ERGIC2: variants seen among roughly 807,000 people sequenced by gnomAD.
The protein encoded by ERGIC2 is endoplasmic reticulum-Golgi intermediate compartment protein 2.
A neutral mutation model predicts 52.5 loss-of-function variants in ERGIC2; 31 were observed. The observed-to-expected ratio is 0.59, with a 90% CI of 0.44 to 0.80. ERGIC2 has a LOEUF of 0.80. ERGIC2 is among the 30% of genes least tolerant of loss of function. The pLI is 0.00. For synonymous variants in ERGIC2, 129 were observed against 140.6 expected (o/e 0.92, Z 0.58); for missense variants, 395 against 455.2 (o/e 0.87, Z 1.20).
At chr12:29,377,673 T>C (rs1280829968) in intron 1 of ERGIC2, among the ~76,000 whole-genome samples, 6 of 152,108 alleles carry the variant, frequency 3.9e-5, no homozygotes, top group Non-Finnish European at 8.8e-5. Flanking sequence ...TTTGAAAAAC[T>C]TCCTAAGACA....
Position 29,343,195 on chromosome 12 carries a change from T to A in ERGIC2, c.913A>T (p.Thr305Ser). 6.2e-7 allele frequency: 1 copy of A among 1,611,456 alleles called. No homozygotes were observed. Among genetic ancestry groups the A allele is most frequent in the Non-Finnish European group, 8.5e-7 (1 of 1,178,210 alleles). Residue 305 changes from threonine (T) to serine (S), a missense_variant, in exon 12 of 14, where the codon ACT (threonine) becomes TCT (serine). Thr to Ser is a moderately conservative substitution (Grantham distance 58). Transcript: ENST00000360150. Reference sequence around the variant, plus strand: ...TGCCAGAATGGCATGTGCTCCTCAGTAACTGTCACCATAAGAGAACTGAGA... The same window carrying A: ...TGCCAGAATGGCATGTGCTCCTCAGAAACTGTCACCATAAGAGAACTGAGA... ...YDLSSLMVTV[T>S]EEHMPFWQFF... is the part of the protein sequence containing the mutation.
intron 1 of ERGIC2, among the ~76,000 whole-genome samples, chr12:29,371,952 GATA>G (rs908342883): frequency 6.6e-6 from 1 of 152,078 alleles, no homozygotes; most frequent in African/African-American, 2.4e-5. Flanking sequence ...TAAAAATTAA[GATA>G]ATGTTTTCTA....
intron 10 of ERGIC2, among the ~76,000 whole-genome samples, chr12:29,345,904 G>T (rs934322109): frequency 1.3e-5 from 2 of 152,008 alleles, no homozygotes; most frequent in African/African-American, 4.8e-5. Context: ...CCATGATTGT[G>T]CTACTGCACT....
At chr12:29,346,793 A>G (rs1940059264) in intron 10 of ERGIC2, among the ~76,000 whole-genome samples, 1 of 152,212 alleles carries the variant, frequency 6.6e-6, no homozygotes, top group African/African-American at 2.4e-5. Flanking sequence ...ATTAACTGTA[A>G]ACAATTACCC....
At chr12:29,376,483 T>C (rs1940516139) in intron 1 of ERGIC2, among the ~76,000 whole-genome samples, 1 of 152,144 alleles carries the variant, frequency 6.6e-6, no homozygotes, top group Non-Finnish European at 1.5e-5. Context: ...AAAACCTTTT[T>C]ACCATGTAAG....
intron 1 of ERGIC2, chr12:29,372,664 T>G (rs1476622988): frequency 2.7e-5 from 4 of 149,214 alleles, no homozygotes; most frequent in Non-Finnish European, 5.9e-5. Context: ...CTTTTTTTTT[T>G]CTTTTTTTGA....
chr12:29,373,418 A>G (rs750559192), intron 1 of ERGIC2, among the ~76,000 whole-genome samples: 1 of 152,216 alleles, frequency 6.6e-6, no homozygotes, highest in Non-Finnish European at 1.5e-5. Flanking sequence ...AGAAGTCACT[A>G]TAAGAGAAAT....
chr12:29,358,343 A>C (rs1940237053), intron 6 of ERGIC2, among the ~76,000 whole-genome samples: 1 of 152,190 alleles, frequency 6.6e-6, no homozygotes, highest in Admixed American at 6.5e-5. Flanking sequence ...ATCTGTAGTA[A>C]AGTTCAAACT....
chr12:29,378,051 G>A (rs1318646291), intron 1 of ERGIC2, among the ~76,000 whole-genome samples: 1 of 152,098 alleles, frequency 6.6e-6, no homozygotes, highest in Non-Finnish European at 1.5e-5. Context: ...TCAACCTCTG[G>A]TATCTATGAA....
rs1233726769 is a variant in ERGIC2, at chr12:29,337,738, TA to T, written c.*3417del. ...CTAAAGCTCAGGTTTAAGTAACTTTTAAACAATCAAAAATAGGCATTTTGAA... is the reference window on the plus strand; with the variant it reads ...CTAAAGCTCAGGTTTAAGTAACTTTTAACAATCAAAAATAGGCATTTTGAA... On this transcript the variant is annotated 3_prime_UTR_variant, in exon 14 of 14. Transcript: ENST00000360150. 1 of 152,208 alleles carries T rather than the reference TA, an allele frequency of 6.6e-6. No homozygotes were observed. The highest frequency in any genetic ancestry group is 1.5e-5 in the Non-Finnish European group (1 of 68,042). The allele number at this position is 152,208 out of a possible 1,614,324, so 9.4% of individuals were successfully genotyped here.
At chr12:29,343,313 T>G (rs1165405074) in intron 11 of ERGIC2, 31 bp from the exon 12 acceptor site, 5 of 1,542,170 alleles carry the variant, frequency 3.2e-6, no homozygotes, top group Non-Finnish European at 4.4e-6. Flanking sequence ...AGGGGAGAAA[T>G]AGGAGGAAGA....
intron 1 of ERGIC2, among the ~76,000 whole-genome samples, chr12:29,371,890 T>C (rs1236950072): frequency 2.6e-5 from 4 of 152,026 alleles, no homozygotes; most frequent in Admixed American, 6.6e-5. Context: ...ACACATTATA[T>C]AGCAAGAAAA....
intron 5 of ERGIC2, among the ~76,000 whole-genome samples, chr12:29,364,660 G>A (rs569284504): frequency 6.6e-6 from 1 of 151,958 alleles, no homozygotes; most frequent in Non-Finnish European, 1.5e-5. Context: ...ACTACCAACA[G>A]AGTAAACAGA....
intron 3 of ERGIC2, 75 bp from the exon 4 acceptor site, chr12:29,368,362 T>C (rs1271432093): frequency 1.3e-6 from 1 of 759,484 alleles, no homozygotes; most frequent in East Asian, 2.7e-5. Flanking sequence ...TCAACTGACC[T>C]ATTAAAAACT....
At chr12:29,376,854 GA>G (rs1940522198) in intron 1 of ERGIC2, among the ~76,000 whole-genome samples, 1 of 152,116 alleles carries the variant, frequency 6.6e-6, no homozygotes, top group African/African-American at 2.4e-5. Flanking sequence ...GGACAACGTA[GA>G]AAAGAACTTT....
At position 29,339,839 on chromosome 12, in the gene ERGIC2, CT is replaced by C. The variant is rs1024242009; in HGVS notation, c.*1316del. The C allele has an allele frequency of 6.6e-6, 1 of 151,978 alleles. No homozygotes were observed. Among genetic ancestry groups the C allele is most frequent in the Admixed American group, 6.6e-5 (1 of 15,266 alleles). 9.4% of individuals were successfully genotyped at this position (151,978 alleles called of 1,614,324 possible). On this transcript the variant is annotated 3_prime_UTR_variant, in exon 14 of 14. Coordinates refer to ENST00000360150, the MANE Select transcript of ERGIC2 (RefSeq NM_016570.3). ...ACTATTTTAAATCTAGTTTTTCAGT[CT>C]TGTTATTTACCTGGAATTTTGTTTC...
At chr12:29,369,001 A>C (rs984383470) in intron 3 of ERGIC2, among the ~76,000 whole-genome samples, 2 of 151,966 alleles carry the variant, frequency 1.3e-5, no homozygotes, top group Non-Finnish European at 2.9e-5. Context: ...TAGACTGGCT[A>C]TGATCAAATT....
intron 1 of ERGIC2, among the ~76,000 whole-genome samples, chr12:29,376,255 A>G (rs572487493): frequency 3.4e-4 from 52 of 152,302 alleles, no homozygotes; most frequent in Admixed American, 3.3e-3. Context: ...CCCAGGCTAC[A>G]TAGCAGGTGG....
In ERGIC2 at chr12:29,361,223, G is replaced by T. The variant is rs1256898946; in HGVS notation, c.374+422C>A. Among the ~76,000 whole-genome samples, 4 of 152,190 alleles carry T rather than the reference G, an allele frequency of 2.6e-5. No individual in the cohort carries two copies. In the East Asian group the frequency reaches 7.7e-4, roughly 29 times the overall value. ...GCCAAGATTGCGCCACTGTACTCCA[G>T]CCTGGCAACAGAGTGAGACTCTGTC... On this transcript the variant is annotated intron_variant, in intron 6 of 13. Coordinates refer to ENST00000360150, the MANE Select transcript of ERGIC2 (RefSeq NM_016570.3).
Sources: allele counts gnomAD v4.1 joint callset (sites outside exome capture counted in the v4.1 genomes callset), GRCh38; gene constraint gnomAD v4.1.1; transcripts MANE v1.5; gene names NCBI Gene and HGNC (gene_info 2026-07-23, HGNC 2026-07-21).